PTPRD: variants seen among roughly 807,000 people sequenced by gnomAD.
PTPRD encodes receptor-type tyrosine-protein phosphatase delta.
PTPRD carries 34 observed loss-of-function variants against 214.5 expected under a neutral mutation model. The ratio of observed to expected loss-of-function variants is 0.16; its 90% CI spans 0.12 to 0.21. PTPRD has a LOEUF of 0.21. PTPRD is among the 10% of genes least tolerant of loss of function. The probability of loss-of-function intolerance (pLI) is 1.00; values close to 1 mark genes in which losing one functional copy is unlikely to be tolerated. For synonymous variants in PTPRD, 1,128 were observed against 845.7 expected (o/e 1.33, Z -5.79); for missense variants, 2,545 against 2,398.7 (o/e 1.06, Z -1.27).
chr9:8,573,521 A>G (rs1009859687), intron 14 of PTPRD, among the ~76,000 whole-genome samples: 1 of 151,980 alleles, frequency 6.6e-6, no homozygotes, highest in Non-Finnish European at 1.5e-5. Flanking sequence ...AATCAGCCAG[A>G]TAAATCTTGT....
intron 7 of PTPRD, among the ~76,000 whole-genome samples, chr9:9,709,552 C>T (rs947303071): frequency 2.0e-5 from 3 of 151,924 alleles, no homozygotes; most frequent in Non-Finnish European, 4.4e-5. Flanking sequence ...TATTCATTTC[C>T]ATTTCACATA....
In PTPRD at chr9:9,044,197, A is replaced by C. The variant is rs1331147637; in HGVS notation, c.-142-25462T>G. On this transcript the variant is annotated intron_variant, in intron 10 of 45. Transcript: ENST00000381196. ...GATGGAAAATAAAATTTAGACTTGC[A>C]TTGCTAAGGAATGGCAGAAAAGTGT... is the stretch of plus-strand genomic sequence containing the variant. Among the ~76,000 whole-genome samples the C allele has an allele frequency of 2.6e-5, 4 of 152,204 alleles. No homozygotes were observed. In the East Asian group the frequency reaches 7.7e-4, roughly 29 times the overall value.
At chr9:9,862,486 G>A (rs2062989531) in intron 5 of PTPRD, among the ~76,000 whole-genome samples, 1 of 152,210 alleles carries the variant, frequency 6.6e-6, no homozygotes, top group South Asian at 2.1e-4. Flanking sequence ...TGGGCTTAGG[G>A]AGAGGTTTCT....
At chr9:10,120,593 T>C (rs2098766687) in intron 3 of PTPRD, among the ~76,000 whole-genome samples, 1 of 152,034 alleles carries the variant, frequency 6.6e-6, no homozygotes, top group African/African-American at 2.4e-5. Context: ...CTTAGACACT[T>C]AGAGAAATAT....
chr9:9,401,704 T>C (rs1283449128), intron 8 of PTPRD, among the ~76,000 whole-genome samples: 2 of 151,966 alleles, frequency 1.3e-5, no homozygotes, highest in Non-Finnish European at 2.9e-5. Flanking sequence ...GTAGTGCCCA[T>C]AATCCCCATG....
chr9:9,897,902 C>T (rs554577410), intron 5 of PTPRD, among the ~76,000 whole-genome samples: 12 of 152,132 alleles, frequency 7.9e-5, no homozygotes, highest in Non-Finnish European at 1.5e-4. Flanking sequence ...GTCAGACGGT[C>T]TCTGTTGCAA....
intron 11 of PTPRD, among the ~76,000 whole-genome samples, chr9:8,744,029 A>T (rs2154448535): frequency 6.6e-6 from 1 of 152,250 alleles, no homozygotes; most frequent in East Asian, 1.9e-4. Flanking sequence ...AAGCATATGG[A>T]AAAACGCTCA....
chr9:8,728,708 G>A (rs1165553659), intron 12 of PTPRD, among the ~76,000 whole-genome samples: 2 of 152,120 alleles, frequency 1.3e-5, no homozygotes, highest in Admixed American at 1.3e-4. Context: ...TGGCTGGCAC[G>A]GCGGCTCACA....
chr9:8,388,342 T>A (rs533576030), intron 37 of PTPRD, among the ~76,000 whole-genome samples: 2 of 152,198 alleles, frequency 1.3e-5, no homozygotes, highest in African/African-American at 4.8e-5. Context: ...GAGACTACTA[T>A]AACCACAGTA....
At chr9:8,619,698 G>A (rs72698237) in intron 14 of PTPRD, among the ~76,000 whole-genome samples, 14,436 of 151,540 alleles carry the variant, frequency 0.095, 888 homozygotes, top group South Asian at 0.16. Context: ...ACTCAAGGAC[G>A]ATGACTAAAT....
At chr9:10,412,960 C>G (rs1587648150) in intron 2 of PTPRD, among the ~76,000 whole-genome samples, 1 of 151,748 alleles carries the variant, frequency 6.6e-6, no homozygotes, top group South Asian at 2.1e-4. Context: ...AAGGAACATA[C>G]TTCAAAATAA....
chr9:9,868,980 A>G (rs1013336543), intron 5 of PTPRD, among the ~76,000 whole-genome samples: 5 of 152,204 alleles, frequency 3.3e-5, no homozygotes, highest in African/African-American at 1.2e-4. Context: ...CAGGGACTAT[A>G]TCATTCACCT....
chr9:8,393,591 A>T (rs773377573), intron 36 of PTPRD, among the ~76,000 whole-genome samples: 3 of 152,098 alleles, frequency 2.0e-5, no homozygotes, highest in Non-Finnish European at 4.4e-5. Context: ...TTTGTTCAAG[A>T]ACAGCTTACC....
chr9:8,382,148 T>G (rs56678038), intron 37 of PTPRD, among the ~76,000 whole-genome samples: 28,308 of 152,160 alleles, frequency 0.19, 3,584 homozygotes, highest in African/African-American at 0.36. Flanking sequence ...AAATATAATT[T>G]ATAGGTACCA....
At chr9:9,792,412 T>A (rs917412296) in intron 5 of PTPRD, among the ~76,000 whole-genome samples, 9 of 152,208 alleles carry the variant, frequency 5.9e-5, no homozygotes, top group African/African-American at 2.2e-4. Flanking sequence ...TCATTTTAAG[T>A]GATCATTAAG....
At chr9:8,517,583 G>T (rs963343231) in intron 21 of PTPRD, among the ~76,000 whole-genome samples, 9 of 152,132 alleles carry the variant, frequency 5.9e-5, no homozygotes, top group African/African-American at 2.2e-4. Flanking sequence ...GGGAGACATT[G>T]TTCTATCTCA....
chr9:9,979,012 T>C (rs1398074419), intron 4 of PTPRD, among the ~76,000 whole-genome samples: 1 of 152,054 alleles, frequency 6.6e-6, no homozygotes, highest in Admixed American at 6.5e-5. Context: ...AAGCAAAAAC[T>C]ATACACCAGT....
intron 3 of PTPRD, among the ~76,000 whole-genome samples, chr9:10,157,009 G>C (rs2099097593): frequency 6.6e-6 from 1 of 151,884 alleles, no homozygotes; most frequent in Non-Finnish European, 1.5e-5. Context: ...CTTTTATTTT[G>C]AGACTATGAG....
chr9:8,481,655 T>C (rs1341505584), intron 30 of PTPRD, among the ~76,000 whole-genome samples: 2 of 152,158 alleles, frequency 1.3e-5, no homozygotes, highest in Admixed American at 6.5e-5. Flanking sequence ...CTTCTTCCTA[T>C]TAACGGAGAC....
Sources: allele counts gnomAD v4.1 joint callset (sites outside exome capture counted in the v4.1 genomes callset), GRCh38; gene constraint gnomAD v4.1.1; transcripts MANE v1.5; gene names NCBI Gene and HGNC (gene_info 2026-07-23, HGNC 2026-07-21).